The following THSD4 variants were observed in gnomAD, a reference collection of about 807,000 sequenced individuals.
THSD4 encodes the protein thrombospondin type 1 domain containing 4.
Under a neutral mutation model 119.0 loss-of-function variants are expected in THSD4, and 69 were observed. The observed-to-expected ratio is 0.58, with a 90% CI of 0.48 to 0.71. The LOEUF (loss-of-function observed/expected upper bound fraction) is 0.71. THSD4 is among the 30% of genes least tolerant of loss of function. The pLI is 0.00. For synonymous variants in THSD4, 524 were observed against 540.4 expected, an observed-to-expected ratio of 0.97 and a Z score of 0.42; for missense variants, 1,393 against 1,391.1, an observed-to-expected ratio of 1.00 and a Z score of -0.02.
chr15:71,521,858 A>G lies in THSD4; in HGVS notation c.1152+110035A>G, dbSNP rs563491669. On this transcript the variant is annotated intron_variant, in intron 7 of 17. Transcript: ENST00000261862. ...TACTGCGTTTCAGACTCCAGATGCC[A>G]AAATGAGTAAGCTGGGATCCTTCTT... 3.3e-5 allele frequency among the ~76,000 whole-genome samples: 5 copies of G among 152,348 alleles called. No homozygotes were observed. In the East Asian group the frequency reaches 9.6e-4, roughly 29 times the overall value.
At chr15:71,293,992 G>A (rs1370025369) in intron 6 of THSD4, among the ~76,000 whole-genome samples, 1 of 151,768 alleles carries the variant, frequency 6.6e-6, no homozygotes, top group Non-Finnish European at 1.5e-5. Flanking sequence ...CTATGTGTTT[G>A]CTAGTATTGT....
At chr15:71,097,704 AG>A (rs1337771348) in intron 1 of THSD4, among the ~76,000 whole-genome samples, 1 of 125,108 alleles carries the variant, frequency 8.0e-6, no homozygotes, top group Non-Finnish European at 1.7e-5. Flanking sequence ...GGTCACAGAA[AG>A]ATGTATATAT....
At chr15:71,674,779 G>T (rs958395655) in intron 8 of THSD4, among the ~76,000 whole-genome samples, 3 of 152,138 alleles carry the variant, frequency 2.0e-5, no homozygotes, top group Admixed American at 6.5e-5. Context: ...GGGGAGGCGG[G>T]TGCTGCTGGC....
intron 7 of THSD4, among the ~76,000 whole-genome samples, chr15:71,493,615 T>G (rs1567007451): frequency 6.6e-6 from 1 of 152,202 alleles, no homozygotes; most frequent in Non-Finnish European, 1.5e-5. Flanking sequence ...GAGACCTCCA[T>G]AGACCTCAGT....
At chr15:71,649,358 C>T (rs11072315) in intron 7 of THSD4, among the ~76,000 whole-genome samples, 39,491 of 152,052 alleles carry the variant, frequency 0.26, 5,745 homozygotes, top group East Asian at 0.63. Context: ...ACTGCAATCT[C>T]TGCCTCCTGG....
chr15:71,109,511 C>T (rs1468140373), intron 1 of THSD4, among the ~76,000 whole-genome samples: 3 of 152,074 alleles, frequency 2.0e-5, no homozygotes, highest in Admixed American at 1.3e-4. Context: ...GGTGTGAGCC[C>T]GTCCCATTCT....
At chr15:71,300,615 C>G (rs554603838) in intron 6 of THSD4, among the ~76,000 whole-genome samples, 8 of 152,130 alleles carry the variant, frequency 5.3e-5, no homozygotes, top group Non-Finnish European at 1.0e-4. Flanking sequence ...TTATCAATCC[C>G]CCTCAAAATT....
rs539570955 is a variant in THSD4 at position 71,780,251 on chromosome 15, G to A, written c.*2877G>A. 3 of 152,794 alleles carry A rather than the reference G, an allele frequency of 2.0e-5. No homozygotes were observed. The highest frequency in any genetic ancestry group is 2.9e-5 in the Non-Finnish European group (2 of 68,476). The allele number at this position is 152,794 out of a possible 1,614,324, so 9.5% of individuals were successfully genotyped here. A position where few individuals can be genotyped will look rare whatever the true frequency, so the allele number is the denominator to read the frequency against. Reference sequence around the variant, plus strand: ...GGAATTGATATTTACATTTTGATACGGTTTTTTTCTTGGCCTGTGTACGGG... The same window carrying A: ...GGAATTGATATTTACATTTTGATACAGTTTTTTTCTTGGCCTGTGTACGGG... On this transcript the variant is annotated 3_prime_UTR_variant, in exon 18 of 18. Coordinates refer to ENST00000261862, the MANE Select transcript of THSD4 (RefSeq NM_024817.3).
chr15:71,170,742 C>T (rs1443988093), intron 3 of THSD4, among the ~76,000 whole-genome samples: 1 of 151,964 alleles, frequency 6.6e-6, no homozygotes, highest in African/African-American at 2.4e-5. Flanking sequence ...GAAAGCAATT[C>T]AGAACTGGCA....
chr15:71,558,442 A>C (rs923405754), intron 7 of THSD4, among the ~76,000 whole-genome samples: 3 of 152,144 alleles, frequency 2.0e-5, no homozygotes, highest in African/African-American at 7.2e-5. Flanking sequence ...TGCATCTCTT[A>C]AGTTTTGATA....
intron 3 of THSD4, among the ~76,000 whole-genome samples, chr15:71,202,019 ATAG>A (rs1158661297): frequency 6.6e-6 from 1 of 152,146 alleles, no homozygotes; most frequent in Non-Finnish European, 1.5e-5. Flanking sequence ...CATGGCAGAA[ATAG>A]TGGTGGGAGC....
chr15:71,700,425 A>T (rs1430864936), intron 8 of THSD4, among the ~76,000 whole-genome samples: 2 of 152,188 alleles, frequency 1.3e-5, no homozygotes, highest in Admixed American at 1.3e-4. Flanking sequence ...ACTAAAGGGC[A>T]TAAAATTTAA....
At chr15:71,140,331 G>A (rs543782459) in intron 1 of THSD4, among the ~76,000 whole-genome samples, 2 of 152,238 alleles carry the variant, frequency 1.3e-5, no homozygotes, top group Admixed American at 6.5e-5. Context: ...TGTGTCACAC[G>A]GCAAGAGAGG....
chr15:71,418,208 G>T (rs1401667173), intron 7 of THSD4, among the ~76,000 whole-genome samples: 1 of 107,724 alleles, frequency 9.3e-6, no homozygotes, highest in African/African-American at 3.1e-5. Context: ...TGCAAACAAG[G>T]GTAATTTGGC....
At chr15:71,636,584 C>G (rs960029652) in intron 7 of THSD4, among the ~76,000 whole-genome samples, 1 of 152,180 alleles carries the variant, frequency 6.6e-6, no homozygotes, top group Non-Finnish European at 1.5e-5. Flanking sequence ...ATTTCTTTCT[C>G]CTGTCACTGG....
At chr15:71,170,176 T>G (rs1201192595) in intron 3 of THSD4, among the ~76,000 whole-genome samples, 1 of 150,792 alleles carries the variant, frequency 6.6e-6, no homozygotes. Context: ...AGAAAAAGAG[T>G]CCAGCAAGAC....
Position 71,215,168 on chromosome 15 carries a change from G to T in THSD4, c.233G>T (p.Arg78Leu). Reference protein sequence around the residue: ...SCSGGVMEQTRPCLPRSYRLR... With the variant: ...SCSGGVMEQTLPCLPRSYRLR... ...AGCGGCGGCGTGATGGAGCAGACGC[G>T]GCCCTGCCTGCCCCGCTCCTACCGC... Residue 78 changes from arginine (R) to leucine (L), a missense_variant, in exon 4 of 18, where the codon CGG becomes CTG. Arg to Leu is a moderately radical substitution (Grantham distance 102). Transcript: ENST00000261862. 1 of 1,376,018 alleles carries T rather than the reference G, an allele frequency of 7.3e-7. No homozygotes were observed. The highest frequency in any genetic ancestry group is 3.2e-5 in the East Asian group (1 of 30,934). The allele number at this position is 1,376,018 out of a possible 1,614,324, so 85.2% of individuals were successfully genotyped here.
chr15:71,504,355 G>A lies in THSD4; in HGVS notation c.1152+92532G>A, dbSNP rs537197724. Among the ~76,000 whole-genome samples the A allele has an allele frequency of 1.7e-3, 256 of 152,288 alleles. 2 individuals are homozygous for A. The highest frequency in any genetic ancestry group is 5.7e-3 in the African/African-American group (237 of 41,566). ...TAAGGAAGCTGAGATAATTAAAGGTGAAAATAGTCACCACTGTTGATTTTA... is the reference window on the plus strand; with the variant it reads ...TAAGGAAGCTGAGATAATTAAAGGTAAAAATAGTCACCACTGTTGATTTTA... On this transcript the variant is annotated intron_variant, in intron 7 of 17. Transcript: ENST00000261862.
At chr15:71,689,803 G>A (rs4776570) in intron 8 of THSD4, among the ~76,000 whole-genome samples, 3,694 of 152,256 alleles carry the variant, frequency 0.024, 92 homozygotes, top group Non-Finnish European at 0.036. Flanking sequence ...GATTCCTCGG[G>A]TGTTATTTCC....
Sources: allele counts gnomAD v4.1 joint callset (sites outside exome capture counted in the v4.1 genomes callset), GRCh38; gene constraint gnomAD v4.1.1; transcripts MANE v1.5; gene names NCBI Gene and HGNC (gene_info 2026-07-23, HGNC 2026-07-21).